Variants in GRIA1 observed in about 807,000 individuals in gnomAD.
GRIA1 encodes the protein glutamate ionotropic receptor AMPA type subunit 1, also known as glutamate receptor 1.
A neutral mutation model predicts 99.2 loss-of-function variants in GRIA1; 31 were observed. The observed-to-expected ratio is 0.31, with a 90% CI of 0.23 to 0.42. The LOEUF is 0.42. Ranked by LOEUF, GRIA1 falls within the 10% of genes least tolerant of loss-of-function variation. The pLI is 1.00. For missense variants in GRIA1, 782 were observed against 1,157.5 expected (o/e 0.68, Z 4.71); for synonymous variants, 438 against 432.4 (o/e 1.01, Z -0.16).
intron 13 of GRIA1, among the ~76,000 whole-genome samples, chr5:153,779,166 A>G (rs1171823495): frequency 1.3e-5 from 2 of 152,214 alleles, no homozygotes; most frequent in Non-Finnish European, 2.9e-5. Context: ...TGATGGTCAT[A>G]CATTAATCCT....
chr5:153,513,650 A>G (rs1188116182), intron 2 of GRIA1, among the ~76,000 whole-genome samples: 1 of 152,146 alleles, frequency 6.6e-6, no homozygotes, highest in Non-Finnish European at 1.5e-5. Flanking sequence ...TCTTTGTTTC[A>G]GTTTCCCTCC....
At chr5:153,675,812 ATTTCCAAAAGAC>A in intron 6 of GRIA1, among the ~76,000 whole-genome samples, 1 of 152,180 alleles carries the variant, frequency 6.6e-6, no homozygotes, top group Non-Finnish European at 1.5e-5. Flanking sequence ...TTGCACTCCA[ATTTCCAAAAGAC>A]TGAGCAGATG....
chr5:153,680,392 C>T (rs80028766), intron 7 of GRIA1, among the ~76,000 whole-genome samples: 3,032 of 151,992 alleles, frequency 0.02, 108 homozygotes, highest in African/African-American at 0.069. Flanking sequence ...GCCTTCTGGA[C>T]GGTGGAGAAG....
At chr5:153,504,855 G>C (rs766532917) in intron 2 of GRIA1, among the ~76,000 whole-genome samples, 2 of 152,142 alleles carry the variant, frequency 1.3e-5, no homozygotes, top group Admixed American at 6.6e-5. Flanking sequence ...CTGTCCCAGT[G>C]ACCAGGACAT....
chr5:153,541,411 T>C lies in GRIA1; in HGVS notation c.220+47346T>C, dbSNP rs370989782. ...TGTGCCAGGTGACATGCTAGGAGCT[T>C]CATATATCCCATTTCATTCATGACT... On this transcript the variant is annotated intron_variant, in intron 2 of 15. Transcript: ENST00000285900. Among the ~76,000 whole-genome samples, 3 of 152,190 alleles carry C rather than the reference T, an allele frequency of 2.0e-5. No homozygotes were observed. The South Asian group carries it at 6.2e-4, about 32-fold the overall frequency.
intron 8 of GRIA1, among the ~76,000 whole-genome samples, chr5:153,687,746 C>T (rs1757439831): frequency 1.3e-5 from 2 of 152,190 alleles, no homozygotes; most frequent in African/African-American, 4.8e-5. Flanking sequence ...TCCTCACCTC[C>T]CTTAAACCTG....
At chr5:153,521,951 A>C (rs1191663995) in intron 2 of GRIA1, among the ~76,000 whole-genome samples, 1 of 152,186 alleles carries the variant, frequency 6.6e-6, no homozygotes, top group Non-Finnish European at 1.5e-5. Flanking sequence ...AATATTTCAG[A>C]GTCAATATAT....
At chr5:153,756,105 C>T (rs1006132057) in intron 11 of GRIA1, among the ~76,000 whole-genome samples, 6 of 152,224 alleles carry the variant, frequency 3.9e-5, no homozygotes, top group Non-Finnish European at 5.9e-5. Context: ...TCCAGCCCCC[C>T]AACAGCTGCA....
intron 13 of GRIA1, among the ~76,000 whole-genome samples, chr5:153,788,758 G>A (rs191720525): frequency 3.3e-5 from 5 of 152,270 alleles, no homozygotes; most frequent in Admixed American, 3.3e-4. Context: ...ACCTCTCGTG[G>A]TGCTAGCACA....
chr5:153,679,245 A>G (rs76817604), intron 7 of GRIA1, among the ~76,000 whole-genome samples: 15,413 of 152,232 alleles, frequency 0.1, 855 homozygotes, highest in South Asian at 0.2. Context: ...GGCAGTGTCT[A>G]TGGAGAAAAA....
intron 2 of GRIA1, among the ~76,000 whole-genome samples, chr5:153,552,623 T>G (rs930039567): frequency 2.6e-5 from 4 of 152,060 alleles, no homozygotes; most frequent in Admixed American, 6.5e-5. Context: ...CCCCAGATGA[T>G]TCCAGTATAC....
At chr5:153,611,418 C>A (rs1212590087) in intron 2 of GRIA1, among the ~76,000 whole-genome samples, 3 of 152,134 alleles carry the variant, frequency 2.0e-5, no homozygotes, top group Admixed American at 6.5e-5. Context: ...TCTGAATCTC[C>A]TTTGGTTAGA....
intron 2 of GRIA1, among the ~76,000 whole-genome samples, chr5:153,501,280 G>C (rs1581136504): frequency 6.6e-6 from 1 of 152,178 alleles, no homozygotes; most frequent in African/African-American, 2.4e-5. Context: ...AGCTAATAAA[G>C]GAGGCTGCCA....
chr5:153,802,320 T>TC, intron 14 of GRIA1, 36 bp from the exon 15 acceptor site: 1 of 1,608,104 alleles, frequency 6.2e-7, no homozygotes, highest in Non-Finnish European at 8.5e-7. Flanking sequence ...ACTTTATTCT[T>TC]CCCCCTCCCC....
At chr5:153,625,651 C>G (rs1043197339) in intron 2 of GRIA1, among the ~76,000 whole-genome samples, 2 of 152,144 alleles carry the variant, frequency 1.3e-5, no homozygotes, top group African/African-American at 2.4e-5. Flanking sequence ...CCAAAGGAAG[C>G]AGAAATTTCA....
intron 11 of GRIA1, among the ~76,000 whole-genome samples, chr5:153,725,885 C>T (rs1253861620): frequency 2.2e-4 from 29 of 134,552 alleles, no homozygotes; most frequent in South Asian, 6.3e-4. Flanking sequence ...CTGCACCAAG[C>T]GGACCTAATA....
intron 1 of GRIA1, among the ~76,000 whole-genome samples, chr5:153,493,237 G>T (rs1177323121): frequency 6.6e-6 from 1 of 152,134 alleles, no homozygotes; most frequent in East Asian, 1.9e-4. Context: ...ACACACAATG[G>T]CAATCCCTTA....
At chr5:153,795,398 T>C in intron 14 of GRIA1, 1 of 782,454 alleles carries the variant, frequency 1.3e-6, no homozygotes, top group South Asian at 1.6e-5. Flanking sequence ...ATGAATGATG[T>C]GAATGAATAC....
chr5:153,794,127 ATC>A (rs1387816412), intron 13 of GRIA1, among the ~76,000 whole-genome samples: 1 of 152,086 alleles, frequency 6.6e-6, no homozygotes, highest in Non-Finnish European at 1.5e-5. Flanking sequence ...TTGTTTTTAT[ATC>A]TCTCTTTCTA....
Sources: gnomAD v4.1 joint callset for allele counts (sites outside exome capture counted in the v4.1 genomes callset) on GRCh38, gnomAD v4.1.1 for gene constraint, MANE v1.5 for transcripts, NCBI Gene and HGNC (gene_info 2026-07-23, HGNC 2026-07-21) for gene names.